The following CYSLTR2 variants were observed in gnomAD, a reference collection of about 807,000 sequenced individuals.
CYSLTR2 encodes G-protein coupled receptor GPCR21.
For synonymous variants in CYSLTR2, 179 were observed against 160.8 expected, an observed-to-expected ratio of 1.11 and a Z score of -0.86; for missense variants, 398 against 411.9, an observed-to-expected ratio of 0.97 and a Z score of 0.29.
intron 1 of CYSLTR2, among the ~76,000 whole-genome samples, chr13:48,658,977 T>C (rs978082705): frequency 3.3e-5 from 5 of 151,940 alleles, no homozygotes; most frequent in Admixed American, 3.3e-4. Context: ...AGAGTGGAGA[T>C]AGGGAGCCAT....
In CYSLTR2 at chr13:48,707,100, G is replaced by T. The variant is rs201100531; in HGVS notation, c.283G>T (p.Ala95Ser). 6.2e-6 allele frequency: 10 copies of T among 1,614,188 alleles called. No homozygotes were observed. Among genetic ancestry groups the T allele is most frequent in the Non-Finnish European group, 8.5e-6 (10 of 1,180,036 alleles). ...LLFISTLPFR[A>S]DYYLRGSNWI... The stretch of plus-strand genomic sequence containing the variant: ...GTTCATAAGCACGCTTCCCTTCAGG[G>T]CTGACTATTATCTTAGAGGCTCCAA... Residue 95 changes from alanine (A) to serine (S), a missense_variant, in exon 5 of 5, where the codon GCT (alanine) becomes TCT (serine). Ala to Ser is a moderately conservative substitution (Grantham distance 99). Coordinates refer to ENST00000682523, the MANE Select transcript of CYSLTR2 (RefSeq NM_001308476.3).
chr13:48,657,589 A>G lies in CYSLTR2; in HGVS notation c.-266+3572A>G, dbSNP rs575739494. The stretch of plus-strand genomic sequence containing the variant: ...GTTTACTCTGGAAGTTTAAATATTA[A>G]TTAAGCTGGGAGAAATTAAAATAAT... On this transcript the variant is annotated intron_variant, in intron 1 of 4. Coordinates refer to ENST00000682523, the MANE Select transcript of CYSLTR2 (RefSeq NM_001308476.3). Among the ~76,000 whole-genome samples, 3 of 152,160 alleles carry G rather than the reference A, an allele frequency of 2.0e-5. No homozygotes were observed. The South Asian group carries it at 6.2e-4, about 32-fold the overall frequency.
intron 1 of CYSLTR2, among the ~76,000 whole-genome samples, chr13:48,687,313 C>T (rs1277346265): frequency 6.6e-6 from 1 of 151,968 alleles, no homozygotes; most frequent in African/African-American, 2.4e-5. Flanking sequence ...TGAGCCAATT[C>T]CCCTAATAAA....
intron 4 of CYSLTR2, among the ~76,000 whole-genome samples, chr13:48,701,427 C>T (rs1312038150): frequency 6.6e-6 from 1 of 152,156 alleles, no homozygotes; most frequent in East Asian, 1.9e-4. Flanking sequence ...ACTGGCTAGC[C>T]ATATGTAGAA....
intron 3 of CYSLTR2, among the ~76,000 whole-genome samples, chr13:48,695,646 A>T (rs887283998): frequency 1.3e-5 from 2 of 152,192 alleles, no homozygotes; most frequent in Non-Finnish European, 2.9e-5. Context: ...TAATTTTGTC[A>T]TTCAAGGATG....
At chr13:48,704,903 G>A (rs1453619862) in intron 4 of CYSLTR2, among the ~76,000 whole-genome samples, 1 of 152,162 alleles carries the variant, frequency 6.6e-6, no homozygotes, top group Non-Finnish European at 1.5e-5. Flanking sequence ...ACACATAAAA[G>A]CATAAGTATT....
intron 1 of CYSLTR2, among the ~76,000 whole-genome samples, chr13:48,687,264 G>A (rs1032329454): frequency 1.3e-5 from 2 of 151,984 alleles, no homozygotes; most frequent in African/African-American, 2.4e-5. Context: ...CTATCTTGCC[G>A]ACGGCCTGTT....
chr13:48,705,179 A>G (rs1337133639), intron 4 of CYSLTR2, among the ~76,000 whole-genome samples: 1 of 152,140 alleles, frequency 6.6e-6, no homozygotes, highest in East Asian at 1.9e-4. Context: ...AGTGTCCCTC[A>G]CTGTCTCTGG....
At chr13:48,690,631 T>A (rs1954014541) in intron 1 of CYSLTR2, among the ~76,000 whole-genome samples, 1 of 152,218 alleles carries the variant, frequency 6.6e-6, no homozygotes, top group Non-Finnish European at 1.5e-5. Context: ...ATAAGCTTTT[T>A]GATGTGCTGC....
intron 1 of CYSLTR2, among the ~76,000 whole-genome samples, chr13:48,690,423 GT>G (rs773370874): frequency 5.9e-5 from 9 of 151,920 alleles, no homozygotes; most frequent in Non-Finnish European, 1.2e-4. Context: ...TTGAGATTAT[GT>G]TTCATCAATA....
Position 48,695,389 on chromosome 13 carries a change from C to T in CYSLTR2, c.-102-1137C>T, listed in dbSNP as rs571750844. 6.7e-3 allele frequency among the ~76,000 whole-genome samples: 657 copies of T among 97,814 alleles called. 3 individuals carry two copies. Among genetic ancestry groups the T allele is most frequent in the Middle Eastern group, 0.017 (4 of 240 alleles). 64.2% of individuals were successfully genotyped at this position (97,814 alleles called of 152,430 possible). A position where few individuals can be genotyped will look rare whatever the true frequency, so the allele number is the denominator to read the frequency against. On this transcript the variant is annotated intron_variant, in intron 3 of 4. Transcript: ENST00000682523. ...CTTTCTCTTTATTCTTTCTTTCTTT[C>T]TTTCTCTCTCTCTCTCTTTCTCTCT...
At chr13:48,689,940 G>T (rs1953995064) in intron 1 of CYSLTR2, among the ~76,000 whole-genome samples, 1 of 152,102 alleles carries the variant, frequency 6.6e-6, no homozygotes, top group Non-Finnish European at 1.5e-5. Context: ...TTGAGCAGTG[G>T]TTTGTAGTTC....
At chr13:48,678,311 C>T (rs1953656128) in intron 1 of CYSLTR2, among the ~76,000 whole-genome samples, 1 of 152,124 alleles carries the variant, frequency 6.6e-6, no homozygotes, top group African/African-American at 2.4e-5. Flanking sequence ...CTGGGTCCAC[C>T]TGTTACTTTT....
chr13:48,707,900 T>C lies in CYSLTR2; in HGVS notation c.*42T>C, dbSNP rs953003605. 3 of 1,445,272 alleles carry C rather than the reference T, an allele frequency of 2.1e-6. No homozygotes were observed. Among genetic ancestry groups the C allele is most frequent in the Non-Finnish European group, 2.8e-6 (3 of 1,081,406 alleles). 89.5% of individuals were successfully genotyped at this position (1,445,272 alleles called of 1,614,324 possible). On this transcript the variant is annotated 3_prime_UTR_variant, in exon 5 of 5. Coordinates refer to ENST00000682523, the MANE Select transcript of CYSLTR2 (RefSeq NM_001308476.3). ...ACCTGTTCTTGTATCCTTGTGTCCA[T>C]CTTCATTCACTCATAGTCTCCAAAT...
chr13:48,701,286 T>A (rs1035242018), intron 4 of CYSLTR2, among the ~76,000 whole-genome samples: 3 of 152,082 alleles, frequency 2.0e-5, no homozygotes, highest in African/African-American at 4.8e-5. Flanking sequence ...AAAACAGAGA[T>A]ATAGACCAAT....
intron 1 of CYSLTR2, among the ~76,000 whole-genome samples, 191 bp from the exon 2 acceptor site, chr13:48,691,021 T>C (rs1954025652): frequency 6.6e-6 from 1 of 152,078 alleles, no homozygotes; most frequent in African/African-American, 2.4e-5. Flanking sequence ...ATAAGTATTC[T>C]TTTTTTCTTT....
chr13:48,664,073 A>C (rs748405953), intron 1 of CYSLTR2, among the ~76,000 whole-genome samples: 2 of 152,052 alleles, frequency 1.3e-5, no homozygotes, highest in Non-Finnish European at 2.9e-5. Context: ...TTCTGCATCT[A>C]TTGAGGATCA....
At chr13:48,675,818 A>G (rs1408700091) in intron 1 of CYSLTR2, among the ~76,000 whole-genome samples, 1 of 152,102 alleles carries the variant, frequency 6.6e-6, no homozygotes, top group Admixed American at 6.5e-5. Context: ...GGTTGCAAAA[A>G]CCATGGAAAA....
intron 2 of CYSLTR2, among the ~76,000 whole-genome samples, chr13:48,693,223 T>C (rs1954080930): frequency 6.6e-6 from 1 of 151,932 alleles, no homozygotes; most frequent in Non-Finnish European, 1.5e-5. Context: ...AAATTTAACT[T>C]TGGCCTTATA....
Sources: gnomAD v4.1 joint callset for allele counts (sites outside exome capture counted in the v4.1 genomes callset) on GRCh38, gnomAD v4.1.1 for gene constraint, MANE v1.5 for transcripts, NCBI Gene and HGNC (gene_info 2026-07-23, HGNC 2026-07-21) for gene names.